Variants in CNTNAP2 observed in about 807,000 individuals in gnomAD.
CNTNAP2 encodes the protein contactin-associated protein-like 2.
Under a neutral mutation model 155.2 loss-of-function variants are expected in CNTNAP2, and 98 were observed. The observed-to-expected ratio is 0.63, with a 90% confidence interval of 0.54 to 0.75. The LOEUF is 0.75. CNTNAP2 is among the 30% of genes least tolerant of loss of function. The pLI is 0.00. For missense variants in CNTNAP2, 1,727 were observed against 1,688.1 expected (o/e 1.02, Z -0.40); for synonymous variants, 651 against 631.2 (o/e 1.03, Z -0.47).
intron 9 of CNTNAP2, among the ~76,000 whole-genome samples, chr7:147,347,619 A>G (rs1469687442): frequency 1.3e-5 from 2 of 151,708 alleles, no homozygotes; most frequent in Non-Finnish European, 2.9e-5. Context: ...GAAGCAACCT[A>G]CAGATTCAAT....
rs568286531 is a variant in CNTNAP2, at chr7:147,109,043, T to G, written c.754+693T>G. ...GGATCCTGCAGGGCATTACAAATTG[T>G]TTAGATATTATTTTTAAGAATAGGA... On this transcript the variant is annotated intron_variant, in intron 5 of 23. Coordinates refer to ENST00000361727, the MANE Select transcript of CNTNAP2 (RefSeq NM_014141.6). 3.9e-5 allele frequency among the ~76,000 whole-genome samples: 6 copies of G among 152,288 alleles called. No individual in the cohort carries two copies. In the South Asian group the frequency reaches 1.2e-3, roughly 32 times the overall value.
intron 14 of CNTNAP2, among the ~76,000 whole-genome samples, chr7:147,929,864 C>T (rs1433691371): frequency 1.3e-5 from 2 of 152,146 alleles, no homozygotes; most frequent in Non-Finnish European, 2.9e-5. Flanking sequence ...AAAACTGTTC[C>T]ACCTCAGATC....
intron 3 of CNTNAP2, among the ~76,000 whole-genome samples, chr7:146,919,371 G>A (rs995320560): frequency 6.6e-6 from 1 of 152,176 alleles, no homozygotes; most frequent in Non-Finnish European, 1.5e-5. Context: ...TTGTCCCATG[G>A]GGGTCCTCCC....
intron 1 of CNTNAP2, among the ~76,000 whole-genome samples, chr7:146,131,570 T>A (rs1452870861): frequency 6.6e-6 from 1 of 152,232 alleles, no homozygotes; most frequent in Non-Finnish European, 1.5e-5. Flanking sequence ...AACAAGATTG[T>A]TTCAGAACTT....
chr7:146,709,424 T>C (rs1050106823), intron 1 of CNTNAP2, among the ~76,000 whole-genome samples: 1 of 152,114 alleles, frequency 6.6e-6, no homozygotes, highest in African/African-American at 2.4e-5. Context: ...TGTTGATTGA[T>C]TGAAATGTGT....
intron 3 of CNTNAP2, among the ~76,000 whole-genome samples, chr7:146,914,202 T>C (rs1796346966): frequency 1.3e-5 from 2 of 152,024 alleles, no homozygotes; most frequent in South Asian, 2.1e-4. Context: ...ACTCTTTGAC[T>C]GGTGGGCATT....
At position 146,738,896 on chromosome 7, in the gene CNTNAP2, C is replaced by T. The variant is rs367904170; in HGVS notation, c.98-35375C>T. Among the ~76,000 whole-genome samples the T allele has an allele frequency of 1.1e-4, 16 of 150,188 alleles. No homozygotes were observed. In the East Asian group the frequency reaches 2.7e-3, roughly 26 times the overall value. On this transcript the variant is annotated intron_variant, in intron 1 of 23. Coordinates refer to ENST00000361727, the MANE Select transcript of CNTNAP2 (RefSeq NM_014141.6). Reference sequence around the variant, plus strand: ...AGATGGTGTATATCAAGGAATTAATCCAGTTAAGCTAGGTTATCCAATTTT... The same window carrying T: ...AGATGGTGTATATCAAGGAATTAATTCAGTTAAGCTAGGTTATCCAATTTT...
At chr7:148,318,745 C>T (rs1563039899) in intron 21 of CNTNAP2, among the ~76,000 whole-genome samples, 1 of 152,204 alleles carries the variant, frequency 6.6e-6, no homozygotes, top group East Asian at 1.9e-4. Context: ...GAGCTACAAA[C>T]TCATCAAGAT....
chr7:146,596,636 A>AGAGG (rs1368342352), intron 1 of CNTNAP2, among the ~76,000 whole-genome samples: 14 of 146,004 alleles, frequency 9.6e-5, no homozygotes, highest in African/African-American at 3.3e-4. Context: ...AGAGAGAGAG[A>AGAGG]GAGAAATTGT....
At chr7:148,414,111 C>G (rs866783607) in intron 23 of CNTNAP2, among the ~76,000 whole-genome samples, 29 of 93,736 alleles carry the variant, frequency 3.1e-4, no homozygotes, top group East Asian at 1.4e-3. Flanking sequence ...CCCCCCCCCC[C>G]CCTCACACAA....
intron 2 of CNTNAP2, among the ~76,000 whole-genome samples, chr7:146,823,728 T>C (rs905441907): frequency 7.5e-6 from 1 of 133,056 alleles, no homozygotes; most frequent in Non-Finnish European, 1.5e-5. Flanking sequence ...ATTTAAATAG[T>C]TGAGTCAGTA....
chr7:147,452,591 C>T (rs1340135974), intron 10 of CNTNAP2, among the ~76,000 whole-genome samples: 1 of 152,080 alleles, frequency 6.6e-6, no homozygotes, highest in East Asian at 1.9e-4. Context: ...TTAATATTTA[C>T]ATATGAAAAG....
chr7:147,092,786 A>G (rs1291598534), intron 4 of CNTNAP2, among the ~76,000 whole-genome samples: 1 of 152,198 alleles, frequency 6.6e-6, no homozygotes, highest in East Asian at 1.9e-4. Context: ...CTTATTGTTG[A>G]TATAGTGGTT....
At chr7:146,350,465 A>G (rs995493744) in intron 1 of CNTNAP2, among the ~76,000 whole-genome samples, 2 of 152,156 alleles carry the variant, frequency 1.3e-5, no homozygotes, top group Non-Finnish European at 2.9e-5. Context: ...AATGCAAATC[A>G]AAACCACAAT....
At chr7:148,149,719 T>C (rs1805261055) in intron 17 of CNTNAP2, among the ~76,000 whole-genome samples, 1 of 151,924 alleles carries the variant, frequency 6.6e-6, no homozygotes, top group African/African-American at 2.4e-5. Flanking sequence ...GCCCAGCAAA[T>C]TTTTGTATTT....
At chr7:147,080,119 T>C (rs1261765935) in intron 4 of CNTNAP2, among the ~76,000 whole-genome samples, 2 of 151,920 alleles carry the variant, frequency 1.3e-5, no homozygotes, top group Non-Finnish European at 1.5e-5. Flanking sequence ...AGGTGACTGA[T>C]GTCATAACCA....
chr7:147,234,227 T>C (rs559927163), intron 8 of CNTNAP2, among the ~76,000 whole-genome samples: 1 of 152,034 alleles, frequency 6.6e-6, no homozygotes, highest in African/African-American at 2.4e-5. Flanking sequence ...AACATTATTC[T>C]ACATATCCAG....
At chr7:147,649,466 T>C (rs1388595279) in intron 13 of CNTNAP2, among the ~76,000 whole-genome samples, 1 of 152,208 alleles carries the variant, frequency 6.6e-6, no homozygotes, top group East Asian at 1.9e-4. Flanking sequence ...ATATGTTTTC[T>C]TAAGTTTTCA....
chr7:146,922,140 T>C (rs1027965545), intron 3 of CNTNAP2, among the ~76,000 whole-genome samples: 1 of 151,910 alleles, frequency 6.6e-6, no homozygotes, highest in African/African-American at 2.4e-5. Context: ...ATCATACACA[T>C]ATATATATAA....
Sources: gnomAD v4.1 joint callset for allele counts (sites outside exome capture counted in the v4.1 genomes callset) on GRCh38, gnomAD v4.1.1 for gene constraint, MANE v1.5 for transcripts, NCBI Gene and HGNC (gene_info 2026-07-23, HGNC 2026-07-21) for gene names.